Variants in LYG1 observed in about 807,000 individuals in gnomAD.
LYG1 encodes lysozyme g1.
Under a neutral mutation model 21.7 loss-of-function variants are expected in LYG1, and 17 were observed. The ratio of observed to expected loss-of-function variants is 0.78; its 90% CI spans 0.54 to 1.18. LYG1 has a LOEUF of 1.18. LYG1 is among the 50% of genes most tolerant of loss of function. LYG1 has a pLI of 0.00. For synonymous variants in LYG1, 81 were observed against 87.4 expected, an observed-to-expected ratio of 0.93 and a Z score of 0.41; for missense variants, 211 against 238.1, an observed-to-expected ratio of 0.89 and a Z score of 0.75.
chr2:99,291,129 G>A (rs2105294058), intron 5 of LYG1, 108 bp downstream of exon 5: 1 of 1,053,118 alleles, frequency 9.5e-7, no homozygotes. Flanking sequence ...CACAGCTCTA[G>A]AGACCTTCAT....
At position 99,291,403 on chromosome 2, in the gene LYG1, CT is replaced by C; in HGVS notation, c.166del (p.Arg56GlyfsTer5). The C allele has an allele frequency of 6.2e-7, 1 of 1,614,096 alleles. No individual in the cohort carries two copies. Among genetic ancestry groups the C allele is most frequent in the Non-Finnish European group, 8.5e-7 (1 of 1,180,008 alleles). ...GTATGGCATGTCTATTTCAGCCAGC[CT>C]TTCAGAAGCACGAACTCCTAAACCA... ...LNYCGVRASE[R>X]LAEIDMPYLL... On this transcript the variant is annotated frameshift_variant, in exon 5 of 7. Transcript: ENST00000308528. LOFTEE classifies it high-confidence loss of function.
chr2:99,303,445 G>A (rs1307777256), upstream of LYG1, among the ~76,000 whole-genome samples: 5 of 152,042 alleles, frequency 3.3e-5, no homozygotes, highest in Non-Finnish European at 5.9e-5. Context: ...CCACAGAGAC[G>A]AAATGGCTTC....
chr2:99,296,225 C>T (rs1433552157), intron 2 of LYG1, among the ~76,000 whole-genome samples: 5 of 152,156 alleles, frequency 3.3e-5, no homozygotes, highest in African/African-American at 1.2e-4. Flanking sequence ...GCTCTAACCC[C>T]AGCCTGGAAT....
intron 5 of LYG1, among the ~76,000 whole-genome samples, chr2:99,285,825 A>G (rs1251753640): frequency 6.6e-6 from 1 of 152,234 alleles, no homozygotes; most frequent in East Asian, 1.9e-4. Context: ...TGGCCCTCCA[A>G]CAACACCTGG....
chr2:99,295,715 A>G lies in LYG1; in HGVS notation c.-32-13T>C. 6.2e-7 allele frequency: 1 copy of G among 1,612,756 alleles called. No homozygotes were observed. Among genetic ancestry groups the G allele is most frequent in the Non-Finnish European group, 8.5e-7 (1 of 1,178,744 alleles). On this transcript the variant is annotated splice_polypyrimidine_tract_variant and intron_variant, in intron 2 of 6. Transcript: ENST00000308528. ...GGCTCCTGAAACACTTTTAAAACAAAAATTAGCTTGAGAATACAAAAATAT... is the reference window on the plus strand; with the variant it reads ...GGCTCCTGAAACACTTTTAAAACAAGAATTAGCTTGAGAATACAAAAATAT...
At chr2:99,287,641 G>A (rs1166723557) in intron 5 of LYG1, among the ~76,000 whole-genome samples, 1 of 151,680 alleles carries the variant, frequency 6.6e-6, no homozygotes, top group East Asian at 1.9e-4. Flanking sequence ...CTATCATCCT[G>A]TTTTAGTTAT....
chr2:99,296,468 C>A (rs2094136881), intron 2 of LYG1, among the ~76,000 whole-genome samples: 1 of 152,194 alleles, frequency 6.6e-6, no homozygotes, highest in Non-Finnish European at 1.5e-5. Context: ...CTCTCTCTCT[C>A]TCTTATCCCA....
chr2:99,299,782 A>G (rs1419072918), intron 1 of LYG1, among the ~76,000 whole-genome samples: 1 of 151,314 alleles, frequency 6.6e-6, no homozygotes. Flanking sequence ...GTTTTTTTAA[A>G]ATTTTTAAAT....
chr2:99,287,417 C>A (rs555278528), intron 5 of LYG1, among the ~76,000 whole-genome samples: 1 of 152,088 alleles, frequency 6.6e-6, no homozygotes, highest in Non-Finnish European at 1.5e-5. Context: ...GGAAAAATAA[C>A]TAAAGGGTAC....
intron 5 of LYG1, among the ~76,000 whole-genome samples, chr2:99,288,051 C>A (rs959523261): frequency 6.6e-6 from 1 of 151,960 alleles, no homozygotes; most frequent in African/African-American, 2.4e-5. Context: ...TATTGTATAA[C>A]CTGTAAATAA....
In LYG1 at chr2:99,284,765, G is replaced by A. The variant is rs770391183; in HGVS notation, c.389C>T (p.Thr130Ile). 2 of 1,613,890 alleles carry A rather than the reference G, an allele frequency of 1.2e-6. No individual in the cohort carries two copies. The highest frequency in any genetic ancestry group is 3.3e-5 in the Admixed American group (2 of 60,030). Reference protein sequence around the residue: ...SWISESQVSQTTEVLTTRIKE... With the variant: ...SWISESQVSQITEVLTTRIKE... ...GATTCTAGTAGTCAGAACTTCAGTT[G>A]TCTGGGAAACCTGAGACTCACTAAT... The change falls in exon 6 of 7, where the codon ACA (threonine) becomes ATA (isoleucine). Residue 130 changes from threonine to isoleucine, a missense_variant. By Grantham distance (89) the Thr-to-Ile change is moderately conservative. Transcript: ENST00000308528.
upstream of LYG1, among the ~76,000 whole-genome samples, chr2:99,303,508 G>C (rs2094159858): frequency 6.6e-6 from 1 of 152,024 alleles, no homozygotes; most frequent in Non-Finnish European, 1.5e-5. Flanking sequence ...TGCTGCACCT[G>C]GGTCCCCACC....
At chr2:99,288,017 C>A (rs570553820) in intron 5 of LYG1, among the ~76,000 whole-genome samples, 17 of 152,032 alleles carry the variant, frequency 1.1e-4, no homozygotes, top group African/African-American at 3.6e-4. Flanking sequence ...ACTTATTTTT[C>A]TTCTATATCT....
intron 2 of LYG1, among the ~76,000 whole-genome samples, chr2:99,298,189 AT>A (rs2094142560): frequency 6.6e-6 from 1 of 152,196 alleles, no homozygotes; most frequent in Non-Finnish European, 1.5e-5. Flanking sequence ...CCTATGACTC[AT>A]TTGTTAATTC....
intron 5 of LYG1, among the ~76,000 whole-genome samples, chr2:99,289,728 T>C (rs1013122243): frequency 3.9e-5 from 6 of 152,180 alleles, no homozygotes; most frequent in Non-Finnish European, 8.8e-5. Flanking sequence ...TTTTTCCAGA[T>C]AGTCTGAACG....
intron 6 of LYG1, 59 bp from the exon 7 acceptor site, chr2:99,284,570 C>A: frequency 6.3e-7 from 1 of 1,594,924 alleles, no homozygotes; most frequent in Non-Finnish European, 8.6e-7. Flanking sequence ...AACTCTGATT[C>A]TCTTTACTAA....
At chr2:99,292,721 A>C (rs1220468889) in intron 3 of LYG1, 81 bp from the exon 4 acceptor site, 1 of 852,890 alleles carries the variant, frequency 1.2e-6, no homozygotes, top group Non-Finnish European at 1.9e-6. Flanking sequence ...TTACATTAAT[A>C]AAAGTAACAA....
In LYG1 at chr2:99,292,591, C is replaced by T; in HGVS notation, c.93G>A (p.Leu31=). 6.2e-7 allele frequency: 1 copy of T among 1,614,176 alleles called. No homozygotes were observed. Among genetic ancestry groups the T allele is most frequent in the Non-Finnish European group, 8.5e-7 (1 of 1,180,022 alleles). Residue 31 remains leucine (L), a synonymous_variant, in exon 4 of 7, where the codon CTG becomes CTA. Coordinates refer to ENST00000308528, the MANE Select transcript of LYG1 (RefSeq NM_174898.3). The part of the protein sequence containing the change: ...NWGCYGNIQS[L]DTPGASCGIG... ...TCCCACAAGATGCTCCAGGGGTGTCCAGGCTTTGGATGTTTCCATAGCATC... is the reference window on the plus strand; with the variant it reads ...TCCCACAAGATGCTCCAGGGGTGTCTAGGCTTTGGATGTTTCCATAGCATC...
chr2:99,291,895 A>G (rs908168297), intron 4 of LYG1, among the ~76,000 whole-genome samples: 4 of 152,216 alleles, frequency 2.6e-5, no homozygotes. Flanking sequence ...AAATCATGCA[A>G]GTTTAAACCT....
Sources: gnomAD v4.1 joint callset for allele counts (sites outside exome capture counted in the v4.1 genomes callset) on GRCh38, gnomAD v4.1.1 for gene constraint, MANE v1.5 for transcripts, NCBI Gene and HGNC (gene_info 2026-07-23, HGNC 2026-07-21) for gene names.